PTH2R: variants seen among roughly 807,000 people sequenced by gnomAD.
The protein encoded by PTH2R is parathyroid hormone 2 receptor.
PTH2R carries 59 observed loss-of-function variants against 60.3 expected under a neutral mutation model. The ratio of observed to expected loss-of-function variants is 0.98; its 90% CI spans 0.79 to 1.22. The LOEUF (loss-of-function observed/expected upper bound fraction) is 1.22, where lower values mean the gene tolerates loss of function less well. PTH2R is among the 50% of genes most tolerant of loss of function. PTH2R has a pLI of 0.00. For synonymous variants in PTH2R, 256 were observed against 243.8 expected, an observed-to-expected ratio of 1.05 and a Z score of -0.47; for missense variants, 749 against 682.6, an observed-to-expected ratio of 1.10 and a Z score of -1.08.
chr2:208,491,483 G>A (rs1703402787), intron 12 of PTH2R, among the ~76,000 whole-genome samples: 1 of 152,126 alleles, frequency 6.6e-6, no homozygotes, highest in Non-Finnish European at 1.5e-5. Context: ...AACCTGGGAG[G>A]GGCTTCTGGC....
chr2:208,465,743 G>A (rs1428379526), intron 9 of PTH2R, among the ~76,000 whole-genome samples: 1 of 151,966 alleles, frequency 6.6e-6, no homozygotes, highest in Non-Finnish European at 1.5e-5. Flanking sequence ...CATTTTGGTA[G>A]CAAACTGACA....
At chr2:208,491,511 C>G (rs992319395) in intron 12 of PTH2R, among the ~76,000 whole-genome samples, 2 of 152,136 alleles carry the variant, frequency 1.3e-5, no homozygotes, top group Admixed American at 1.3e-4. Context: ...GGTCAGAGAG[C>G]CTTCTCTCTT....
intron 8 of PTH2R, among the ~76,000 whole-genome samples, chr2:208,451,942 G>T (rs1461958856): frequency 6.6e-6 from 1 of 152,062 alleles, no homozygotes; most frequent in African/African-American, 2.4e-5. Flanking sequence ...TTTATATTTT[G>T]ACAGACCTGA....
intron 9 of PTH2R, among the ~76,000 whole-genome samples, chr2:208,461,719 AT>A (rs1473116311): frequency 6.6e-6 from 1 of 152,176 alleles, no homozygotes; most frequent in Non-Finnish European, 1.5e-5. Flanking sequence ...ATCCTAGGGC[AT>A]TTTCCATGGA....
Position 208,494,182 on chromosome 2 carries a change from T to G in PTH2R, c.*523T>G, listed in dbSNP as rs1703480944. On this transcript the variant is annotated 3_prime_UTR_variant, in exon 13 of 13. Transcript: ENST00000272847. Reference sequence around the variant, plus strand: ...AGTACTTGCTGGAAAATTAGTTGGCTGGACATTGATAAAATAATGCATTTA... The same window carrying G: ...AGTACTTGCTGGAAAATTAGTTGGCGGGACATTGATAAAATAATGCATTTA... The G allele has an allele frequency of 6.6e-6, 1 of 152,252 alleles. No individual in the cohort carries two copies. The highest frequency in any genetic ancestry group is 2.4e-5 in the African/African-American group (1 of 41,468). 9.4% of individuals were successfully genotyped at this position (152,252 alleles called of 1,614,324 possible). A position where few individuals can be genotyped will look rare whatever the true frequency, so the allele number is the denominator to read the frequency against.
intron 9 of PTH2R, among the ~76,000 whole-genome samples, chr2:208,460,712 C>T (rs2105888314): frequency 6.6e-6 from 1 of 152,206 alleles, no homozygotes; most frequent in Middle Eastern, 3.4e-3. Context: ...AAGGCATCAG[C>T]TTCTTTTGGG....
intron 1 of PTH2R, among the ~76,000 whole-genome samples, chr2:208,416,787 G>A (rs980378430): frequency 1.3e-5 from 2 of 152,102 alleles, no homozygotes; most frequent in Non-Finnish European, 2.9e-5. Flanking sequence ...TGAAAAGAGA[G>A]ACTGGCCTAG....
chr2:208,370,215 G>GGGC (rs1700668920), intron 1 of PTH2R, among the ~76,000 whole-genome samples: 1 of 151,876 alleles, frequency 6.6e-6, no homozygotes. Flanking sequence ...AGGCCGAAGC[G>GGGC]GGCGGATCAT....
rs76146211 is a variant in PTH2R at position 208,489,072 on chromosome 2, C to T, written c.1137C>T (p.Phe379=). 1,156 of 1,614,108 alleles carry T rather than the reference C, an allele frequency of 7.2e-4. 7 individuals carry two copies. The African/African-American group carries it at 0.012, about 17-fold the overall frequency. Residue 379 remains phenylalanine, a synonymous_variant, in exon 11 of 13, where the codon TTC becomes TTT. Transcript: ENST00000272847. ...VLVFGVHYIV[F]VCLPHSFTGL... The stretch of plus-strand genomic sequence containing the variant: ...TCTTTGGAGTGCATTACATCGTGTT[C>T]GTATGCCTGCCTCACTCCTTCACTG...
At chr2:208,393,147 A>T (rs957235831) in intron 1 of PTH2R, among the ~76,000 whole-genome samples, 1 of 152,024 alleles carries the variant, frequency 6.6e-6, no homozygotes, top group African/African-American at 2.4e-5. Flanking sequence ...CCTCCTCCTG[A>T]TCCCTATTGT....
At chr2:208,437,707 A>T (rs1574872250) in intron 3 of PTH2R, 53 bp from the exon 4 acceptor site, 1 of 1,603,938 alleles carries the variant, frequency 6.2e-7, no homozygotes, top group Non-Finnish European at 8.5e-7. Flanking sequence ...CATTTTCTTG[A>T]TAATAGATTC....
At chr2:208,489,366 C>G (rs1703351858) in intron 11 of PTH2R, among the ~76,000 whole-genome samples, 1 of 152,094 alleles carries the variant, frequency 6.6e-6, no homozygotes, top group Non-Finnish European at 1.5e-5. Flanking sequence ...AGTTCTGGAG[C>G]TGTTCGTCAC....
At chr2:208,468,471 T>G (rs1702805587) in intron 9 of PTH2R, among the ~76,000 whole-genome samples, 1 of 152,200 alleles carries the variant, frequency 6.6e-6, no homozygotes, top group Non-Finnish European at 1.5e-5. Context: ...TAATAAAATC[T>G]AACATCTCTG....
intron 1 of PTH2R, among the ~76,000 whole-genome samples, chr2:208,392,000 C>T (rs549098566): frequency 6.4e-4 from 97 of 152,254 alleles, no homozygotes; most frequent in African/African-American, 2.2e-3. Flanking sequence ...TCCAAACAGA[C>T]GAAGACTATC....
At chr2:208,446,284 C>T (rs1469942) in intron 7 of PTH2R, among the ~76,000 whole-genome samples, 5,043 of 152,048 alleles carry the variant, frequency 0.033, 259 homozygotes, top group African/African-American at 0.11. Context: ...TTTGTCCCAC[C>T]GAATCTCAGA....
rs567670010 is a variant in PTH2R, at chr2:208,415,522, A to C, written c.75+8404A>C. 1.1e-4 allele frequency among the ~76,000 whole-genome samples: 16 copies of C among 152,330 alleles called. No individual in the cohort carries two copies. The South Asian group carries it at 2.9e-3, about 28-fold the overall frequency. Reference sequence around the variant, plus strand: ...CACTTTACTTTTTTCGCTACCAGGGAGAACCCATCATGTCAAAATAAGAAG... The same window carrying C: ...CACTTTACTTTTTTCGCTACCAGGGCGAACCCATCATGTCAAAATAAGAAG... On this transcript the variant is annotated intron_variant, in intron 1 of 12. Coordinates refer to ENST00000272847, the MANE Select transcript of PTH2R (RefSeq NM_005048.4).
chr2:208,457,330 A>G (rs1702534868), intron 8 of PTH2R, among the ~76,000 whole-genome samples: 2 of 152,238 alleles, frequency 1.3e-5, no homozygotes, highest in Admixed American at 6.5e-5. Flanking sequence ...ATGTTCAATA[A>G]TATGCAAGTG....
At chr2:208,424,005 T>C (rs559168286) in intron 1 of PTH2R, among the ~76,000 whole-genome samples, 9 of 152,238 alleles carry the variant, frequency 5.9e-5, no homozygotes, top group South Asian at 2.1e-4. Flanking sequence ...GTGGTCCTGA[T>C]GTGTGGGGGT....
chr2:208,475,573 G>A (rs1574907377), intron 9 of PTH2R, among the ~76,000 whole-genome samples: 1 of 152,148 alleles, frequency 6.6e-6, no homozygotes, highest in South Asian at 2.1e-4. Context: ...TGTTCAAGTT[G>A]GGAAGCATTT....
Sources: allele counts gnomAD v4.1 joint callset (sites outside exome capture counted in the v4.1 genomes callset), GRCh38; gene constraint gnomAD v4.1.1; transcripts MANE v1.5; gene names NCBI Gene and HGNC (gene_info 2026-07-23, HGNC 2026-07-21).